Variants in DOCK9 observed in about 807,000 individuals in gnomAD.
DOCK9 encodes the protein dedicator of cytokinesis 9.
A neutral mutation model predicts 263.3 loss-of-function variants in DOCK9; 89 were observed. The ratio of observed to expected loss-of-function variants is 0.34; its 90% CI spans 0.28 to 0.40. The LOEUF is 0.40. DOCK9 is among the 10% of genes least tolerant of loss of function. The pLI, the probability that DOCK9 is intolerant of heterozygous loss-of-function variation, is 1.00. For missense variants in DOCK9, 2,140 were observed against 2,603.4 expected, an observed-to-expected ratio of 0.82 and a Z score of 3.87; for synonymous variants, 976 against 973.1, an observed-to-expected ratio of 1.00 and a Z score of -0.06.
Position 98,923,297 on chromosome 13 carries a change from C to A in DOCK9, c.486+5G>T, listed in dbSNP as rs746310813. On this transcript the variant is annotated splice_donor_5th_base_variant and intron_variant, in intron 5 of 52. Transcript: ENST00000682017. ...AAGAGAAGCAACAGCAAGCAGGTAT[C>A]CCACCTCATCTTTGTCGACCTCCTC... 55 of 1,612,440 alleles carry A rather than the reference C, an allele frequency of 3.4e-5. No homozygotes were observed. The highest frequency in any genetic ancestry group is 6.7e-5 in the Admixed American group (4 of 59,988).
At chr13:98,860,570 T>A (rs192312259) in intron 32 of DOCK9, 48 bp from the exon 33 acceptor site, 3 of 1,505,168 alleles carry the variant, frequency 2.0e-6, no homozygotes, top group Admixed American at 2.1e-5. Context: ...CTGGAAAGGA[T>A]TCCTCCCCTG....
In DOCK9 at chr13:98,825,712, G is replaced by C. The variant is rs568890190; in HGVS notation, c.5023+1118C>G. 7.3e-6 allele frequency among the ~76,000 whole-genome samples: 1 copy of C among 137,112 alleles called. No individual in the cohort carries two copies. Among genetic ancestry groups the C allele is most frequent in the South Asian group, 2.4e-4 (1 of 4,124 alleles). 90.0% of individuals were successfully genotyped at this position (137,112 alleles called of 152,430 possible). ...ATGGTGGCCAAGGTGCTTTCCTCTTGTGCCCACAGGAATAGACCAGCCAAC... is the reference window on the plus strand; with the variant it reads ...ATGGTGGCCAAGGTGCTTTCCTCTTCTGCCCACAGGAATAGACCAGCCAAC... On this transcript the variant is annotated intron_variant, in intron 44 of 52. Transcript: ENST00000682017. This position sits in a 1 kb window ranked among gnomAD's most constrained non-coding sequence, Gnocchi z 4.1.
Position 98,978,044 on chromosome 13 carries a change from C to A in DOCK9, c.-135G>T. 6.9e-7 allele frequency: 1 copy of A among 1,444,574 alleles called. No individual in the cohort carries two copies. Among genetic ancestry groups the A allele is most frequent in the Non-Finnish European group, 9.1e-7 (1 of 1,103,504 alleles). 89.5% of individuals were successfully genotyped at this position (1,444,574 alleles called of 1,614,324 possible). On this transcript the variant is annotated 5_prime_UTR_variant, in exon 1 of 53. Coordinates refer to ENST00000682017, the MANE Select transcript of DOCK9 (RefSeq NM_001366683.2). ...TCCCAGGCACAAGTGGTCAGCCCCG[C>A]TGGCTGGGTCTGCAGAGCCTGTGGG...
chr13:99,005,683 G>C (rs1459417238), intron 1 of DOCK9, among the ~76,000 whole-genome samples: 2 of 152,100 alleles, frequency 1.3e-5, no homozygotes, highest in Non-Finnish European at 2.9e-5. Context: ...ACTAAAGCAG[G>C]GCACAGCAAA....
chr13:98,971,069 C>G (rs1457578548), intron 1 of DOCK9, among the ~76,000 whole-genome samples: 1 of 152,190 alleles, frequency 6.6e-6, no homozygotes, highest in African/African-American at 2.4e-5. Context: ...ATTCTGAGAT[C>G]AAAGATGCTA....
chr13:98,883,075 T>G lies in DOCK9; in HGVS notation c.2526A>C (p.Gln842His), dbSNP rs142669427. 2.6e-5 allele frequency: 42 copies of G among 1,613,950 alleles called. No individual in the cohort carries two copies. The African/African-American group carries it at 4.5e-4, about 17-fold the overall frequency. ...ACTTTACAAGTTCGTTTCCTAAGGC[T>G]TGGGCTCCAGATTCGGTTTTCTGAC... ...QYCQKTESGA[Q>H]ALGNELVKYL... Residue 842 changes from glutamine to histidine, a missense_variant, in exon 23 of 53, where the codon CAA becomes CAC. Physicochemically the swap from Gln to His is conservative, Grantham distance 24. Around this residue, in one of 2 missense-constraint regions of DOCK9, gnomAD observed 1,521 missense variants for 1,741.7 expected, o/e 0.87. Transcript: ENST00000682017.
At position 99,015,665 on chromosome 13, in the gene DOCK9, T is replaced by C. The variant is rs1885295222; in HGVS notation, c.130-60114A>G. On this transcript the variant is annotated intron_variant, in intron 1 of 32. Transcript: ENST00000427887. ...ATCTCTACTCCATTTCCACATCCTC[T>C]TCCTTGGCTCTTCCGAAACAGGCTC... 8 of 1,510,736 alleles carry C rather than the reference T, an allele frequency of 5.3e-6. No individual in the cohort carries two copies. The South Asian group carries it at 9.4e-5, about 18-fold the overall frequency. 93.6% of individuals were successfully genotyped at this position (1,510,736 alleles called of 1,614,324 possible). A position where few individuals can be genotyped will look rare whatever the true frequency, so the allele number is the denominator to read the frequency against.
intron 1 of DOCK9, among the ~76,000 whole-genome samples, chr13:98,992,044 G>A (rs1201299381): frequency 1.3e-5 from 2 of 151,886 alleles, no homozygotes; most frequent in South Asian, 2.1e-4. Context: ...TACACCTGGT[G>A]AGATCGTGTC....
rs1012843505 is a variant in DOCK9, at chr13:98,885,606, A to G, written c.2260+102T>C. The G allele has an allele frequency of 2.3e-6, 3 of 1,311,662 alleles. No homozygotes were observed. In the African/African-American group the frequency reaches 4.5e-5, roughly 20 times the overall value. The allele number at this position is 1,311,662 out of a possible 1,614,324, so 81.3% of individuals were successfully genotyped here. ...TATCCGTTACCTATAAAATTCATTT[A>G]AAGATCCCTTTGCAAAAAGATGGAA... On this transcript the variant is annotated intron_variant, in intron 20 of 52. Transcript: ENST00000682017.
chr13:98,889,188 C>A (rs2046252670), intron 15 of DOCK9, among the ~76,000 whole-genome samples: 2 of 152,080 alleles, frequency 1.3e-5, no homozygotes, highest in Non-Finnish European at 2.9e-5. Context: ...GGGAGCTAAG[C>A]TATGAGGATG....
At chr13:99,085,941 G>A (rs1201249419) in intron 1 of DOCK9, among the ~76,000 whole-genome samples, 1 of 152,132 alleles carries the variant, frequency 6.6e-6, no homozygotes, top group East Asian at 1.9e-4. Context: ...TGAAAAGAGT[G>A]ACAGGGCGAC....
At chr13:98,966,501 C>G (rs922892286) in intron 1 of DOCK9, among the ~76,000 whole-genome samples, 3 of 152,248 alleles carry the variant, frequency 2.0e-5, no homozygotes, top group African/African-American at 7.2e-5. Context: ...AGACTGTAGA[C>G]TCTTCCAGGC....
chr13:98,893,063 G>A (rs1030574843), intron 15 of DOCK9, among the ~76,000 whole-genome samples: 1 of 152,172 alleles, frequency 6.6e-6, no homozygotes, highest in East Asian at 1.9e-4. Context: ...TGATTTATGT[G>A]CTGCTTGATG....
intron 13 of DOCK9, among the ~76,000 whole-genome samples, chr13:98,899,723 T>C (rs2047986979): frequency 6.6e-6 from 1 of 152,180 alleles, no homozygotes; most frequent in Non-Finnish European, 1.5e-5. Flanking sequence ...ATGCAGTAAT[T>C]TCATAAAATT....
intron 2 of DOCK9, among the ~76,000 whole-genome samples, chr13:98,952,966 T>A (rs541632140): frequency 6.6e-6 from 1 of 152,234 alleles, no homozygotes; most frequent in Non-Finnish European, 1.5e-5. Context: ...CAATCTAATT[T>A]GTTCCCTCTG....
rs62637595 is a variant in DOCK9, at chr13:98,825,922, G to A, written c.5023+908C>T. On this transcript the variant is annotated intron_variant, in intron 44 of 52. Coordinates refer to ENST00000682017, the MANE Select transcript of DOCK9 (RefSeq NM_001366683.2). This position sits in a 1 kb window ranked among gnomAD's most constrained non-coding sequence, Gnocchi z 4.1. ...GCTATGGCTGTGGGGGAGAAGGGGCGGCTCCCACTGGACTGCTTCTAAACA... is the reference window on the plus strand; with the variant it reads ...GCTATGGCTGTGGGGGAGAAGGGGCAGCTCCCACTGGACTGCTTCTAAACA... 140 of 1,551,640 alleles carry A rather than the reference G, an allele frequency of 9.0e-5. No homozygotes were observed. Among genetic ancestry groups the A allele is most frequent in the Middle Eastern group, 3.4e-4 (2 of 5,922 alleles).
chr13:98,968,272 A>G (rs1444506978), intron 1 of DOCK9, among the ~76,000 whole-genome samples: 4 of 152,212 alleles, frequency 2.6e-5, no homozygotes, highest in Admixed American at 6.5e-5. Context: ...GGTTAAAATT[A>G]TATTACTAAA....
At chr13:98,902,039 C>T in intron 12 of DOCK9, 139 bp from the exon 13 acceptor site, 2 of 1,139,442 alleles carry the variant, frequency 1.8e-6, no homozygotes, top group Non-Finnish European at 2.4e-6. Context: ...AGCTGACAAA[C>T]AGTTCATCAT....
At chr13:99,050,346 C>T (rs1042590220) in intron 1 of DOCK9, among the ~76,000 whole-genome samples, 1 of 152,154 alleles carries the variant, frequency 6.6e-6, no homozygotes, top group African/African-American at 2.4e-5. Flanking sequence ...ACAGCGAAAC[C>T]TGAATCAGCT....
Sources: gnomAD v4.1 joint callset for allele counts (sites outside exome capture counted in the v4.1 genomes callset) on GRCh38, gnomAD v4.1.1 for gene constraint, gnomAD v4.1.1 regional missense constraint, Gnocchi (gnomAD v3.1) non-coding constraint, MANE v1.5 for transcripts, NCBI Gene and HGNC (gene_info 2026-07-23, HGNC 2026-07-21) for gene names.